The following DIABLO variants were observed in gnomAD, a reference collection of about 807,000 sequenced individuals.
DIABLO encodes the protein diablo IAP-binding mitochondrial protein, also known as diablo homolog, mitochondrial.
Under a neutral mutation model 31.7 loss-of-function variants are expected in DIABLO, and 32 were observed. That is an observed-to-expected ratio of 1.01 (90% CI 0.76 to 1.35). DIABLO has a LOEUF of 1.35. Among genes scored for constraint, DIABLO ranks in the 40% most tolerant of loss-of-function variants. DIABLO has a pLI of 0.00. For synonymous variants in DIABLO, 132 were observed against 103.2 expected (o/e 1.28, Z -1.69); for missense variants, 316 against 286.4 (o/e 1.10, Z -0.75).
At chr12:122,209,575 G>T in intron 5 of DIABLO, 1 of 559,748 alleles carries the variant, frequency 1.8e-6, no homozygotes, top group South Asian at 2.1e-5. Flanking sequence ...TGAAGCAGGA[G>T]AATTGCTTGA....
At chr12:122,224,478 T>C (rs903594525) in intron 2 of DIABLO, 34 bp downstream of exon 2, 5 of 1,613,630 alleles carry the variant, frequency 3.1e-6, no homozygotes, top group Non-Finnish European at 4.2e-6. Context: ...GAGGACACGG[T>C]ACACTAGATA....
intron 5 of DIABLO, 71 bp from the exon 6 acceptor site, chr12:122,208,648 G>A: frequency 1.3e-6 from 2 of 1,517,534 alleles, no homozygotes; most frequent in Non-Finnish European, 1.8e-6. Flanking sequence ...ACGTTGGCCT[G>A]GGGGTGCTGT....
At chr12:122,226,214 C>A (rs1173108613), upstream of DIABLO, 44 of 854,670 alleles carry the variant, frequency 5.1e-5, no homozygotes, top group Non-Finnish European at 5.7e-6. Flanking sequence ...GGCAACCAAC[C>A]GCCGGAACTT....
At chr12:122,226,845 C>A (rs567401677), upstream of DIABLO, among the ~76,000 whole-genome samples, 1 of 152,372 alleles carries the variant, frequency 6.6e-6, no homozygotes, top group East Asian at 1.9e-4. Flanking sequence ...AGTTTTCCTC[C>A]CTGGCCCGCT....
rs929207749 is a variant in DIABLO at position 122,211,458 on chromosome 12, T to C, written c.524-2881A>G. 4.0e-5 allele frequency among the ~76,000 whole-genome samples: 6 copies of C among 151,880 alleles called. 1 individual carries two copies. Among genetic ancestry groups the C allele is most frequent in the Middle Eastern group, 3.4e-3 (1 of 294 alleles). On this transcript the variant is annotated intron_variant, in intron 5 of 5. Transcript: ENST00000464942. The stretch of plus-strand genomic sequence containing the variant: ...GTGGCTCAGCTCACGCCTGTGATCC[T>C]AGCACTCTGGCAGGCCAAGACGGGA...
At chr12:122,225,616 C>T (rs1729012717) in intron 1 of DIABLO, 1 of 1,253,452 alleles carries the variant, frequency 8.0e-7, no homozygotes, top group Non-Finnish European at 1.0e-6. Context: ...GCTCGTCTCC[C>T]TTCCCGGACT....
Position 122,208,285 on chromosome 12 carries a change from T to G in DIABLO, c.*96A>C. ...GGCCAGGGCAGGATCTGCCGCCTCT[T>G]CTCGGTGCACAGACAGTCATGCCAA... On this transcript the variant is annotated 3_prime_UTR_variant, in exon 6 of 6. Coordinates refer to ENST00000464942, the MANE Select transcript of DIABLO (RefSeq NM_001371333.1). The G allele has an allele frequency of 1.4e-6, 2 of 1,459,308 alleles. No individual in the cohort carries two copies. The highest frequency in any genetic ancestry group is 2.3e-5 in the South Asian group (2 of 87,506). 90.4% of individuals were successfully genotyped at this position (1,459,308 alleles called of 1,614,324 possible).
rs1334049041 is a variant in DIABLO at position 122,208,267 on chromosome 12, G to A, written c.*114C>T. The stretch of plus-strand genomic sequence containing the variant: ...AAGGCGTCTCGCCTGATTGGCCAGG[G>A]CAGGATCTGCCGCCTCTTCTCGGTG... On this transcript the variant is annotated 3_prime_UTR_variant, in exon 6 of 6. Coordinates refer to ENST00000464942, the MANE Select transcript of DIABLO (RefSeq NM_001371333.1). The A allele has an allele frequency of 3.9e-6, 5 of 1,276,260 alleles. No homozygotes were observed. The highest frequency in any genetic ancestry group is 2.4e-5 in the East Asian group (1 of 42,454). The allele number at this position is 1,276,260 out of a possible 1,614,324, so 79.1% of individuals were successfully genotyped here.
At chr12:122,225,525 C>A in intron 1 of DIABLO, 1 of 1,084,782 alleles carries the variant, frequency 9.2e-7, no homozygotes. Flanking sequence ...GCTACAATCG[C>A]CCAGGAGCCT....
intron 3 of DIABLO, 103 bp downstream of exon 3, chr12:122,218,163 A>G (rs1177353367): frequency 4.4e-6 from 6 of 1,356,624 alleles, no homozygotes; most frequent in South Asian, 1.2e-5. Context: ...AGGCCTGGCT[A>G]TGTTTCAATC....
chr12:122,219,806 T>C (rs1954295228), intron 2 of DIABLO, among the ~76,000 whole-genome samples: 1 of 144,386 alleles, frequency 6.9e-6, no homozygotes, highest in Admixed American at 6.9e-5. Context: ...GAGGTTGCAG[T>C]GAGAGCCAAG....
At chr12:122,209,986 A>G (rs1954044174) in intron 5 of DIABLO, 2 of 580,704 alleles carry the variant, frequency 3.4e-6, no homozygotes, top group Non-Finnish European at 6.1e-6. Flanking sequence ...GGCATATGTT[A>G]AGTGGTTTTT....
chr12:122,215,847 T>C (rs757180090), intron 5 of DIABLO, among the ~76,000 whole-genome samples: 10 of 138,154 alleles, frequency 7.2e-5, no homozygotes, highest in Non-Finnish European at 1.5e-4. Flanking sequence ...GATTAGCCTG[T>C]GCAACATTGT....
At chr12:122,212,887 A>C (rs1954119123) in intron 5 of DIABLO, among the ~76,000 whole-genome samples, 1 of 152,018 alleles carries the variant, frequency 6.6e-6, no homozygotes, top group South Asian at 2.1e-4. Flanking sequence ...AGCCTCCTAA[A>C]GTGCTGGGAT....
intron 2 of DIABLO, among the ~76,000 whole-genome samples, chr12:122,219,858 CTT>C (rs1954296435): frequency 6.7e-6 from 1 of 148,556 alleles, no homozygotes; most frequent in African/African-American, 2.5e-5. Context: ...GAGCAAGACT[CTT>C]TCGCCAAAAA....
intron 2 of DIABLO, chr12:122,221,009 G>A (rs1954323301): frequency 6.6e-6 from 1 of 152,194 alleles, no homozygotes; most frequent in Admixed American, 6.5e-5. Context: ...TGACATGGAA[G>A]CTCAGAATAG....
rs1953992658 is a variant in DIABLO, at chr12:122,208,519, C to T, written c.582G>A (p.Val194=). 6.2e-7 allele frequency: 1 copy of T among 1,613,966 alleles called. No individual in the cohort carries two copies. The highest frequency in any genetic ancestry group is 8.5e-7 in the Non-Finnish European group (1 of 1,180,038). The change falls in exon 6 of 6, where the codon GTG becomes GTA. Residue 194 remains valine, a synonymous_variant. Transcript: ENST00000464942. Reference sequence around the variant, plus strand: ...TCCGGGAGAGCTGGTGCACCTCTTCCACCTGCAGTTTCACCAGCTGAATGT... The same window carrying T: ...TCCGGGAGAGCTGGTGCACCTCTTCTACCTGCAGTTTCACCAGCTGAATGT... ...RNHIQLVKLQ[V]EEVHQLSRKA...
At chr12:122,217,928 C>T in intron 3 of DIABLO, 1 of 314,188 alleles carries the variant, frequency 3.2e-6, no homozygotes, top group Admixed American at 4.6e-5. Flanking sequence ...TGAACCATAT[C>T]AGCTTCACTC....
At chr12:122,209,453 CAGG>C (rs1954027363) in intron 5 of DIABLO, among the ~76,000 whole-genome samples, 1 of 152,190 alleles carries the variant, frequency 6.6e-6, no homozygotes, top group Non-Finnish European at 1.5e-5. Context: ...TGCCTGAGCT[CAGG>C]AGTTCAAGAC....
Sources: allele counts gnomAD v4.1 joint callset (sites outside exome capture counted in the v4.1 genomes callset), GRCh38; gene constraint gnomAD v4.1.1; transcripts MANE v1.5; gene names NCBI Gene and HGNC (gene_info 2026-07-23, HGNC 2026-07-21).